Variants in LGR6 observed in about 807,000 individuals in gnomAD.
LGR6 encodes the protein leucine-rich repeat-containing G protein-coupled receptor 6.
A neutral mutation model predicts 69.4 loss-of-function variants in LGR6; 45 were observed. The observed-to-expected ratio is 0.65, with a 90% CI of 0.51 to 0.83. The LOEUF (loss-of-function observed/expected upper bound fraction) is 0.83, where lower values mean the gene tolerates loss of function less well. Ranked by LOEUF, LGR6 falls within the 40% of genes least tolerant of loss-of-function variation. The probability of loss-of-function intolerance (pLI) is 0.00; values close to 1 mark genes in which losing one functional copy is unlikely to be tolerated. For synonymous variants in LGR6, 538 were observed against 555.0 expected, an observed-to-expected ratio of 0.97 and a Z score of 0.43; for missense variants, 1,108 against 1,246.7, an observed-to-expected ratio of 0.89 and a Z score of 1.68.
At chr1:202,276,813 A>G (rs368893191) in intron 5 of LGR6, among the ~76,000 whole-genome samples, 21 of 152,352 alleles carry the variant, frequency 1.4e-4, no homozygotes, top group Admixed American at 8.5e-4. Context: ...CCATGCACAT[A>G]TAATAACTAT....
intron 1 of LGR6, chr1:202,203,933 C>A: frequency 1.6e-6 from 2 of 1,226,896 alleles, no homozygotes; most frequent in South Asian, 1.2e-5. Flanking sequence ...AGAGGGGGTG[C>A]GATTTTATTT....
chr1:202,235,394 T>C (rs1661455474), intron 3 of LGR6, among the ~76,000 whole-genome samples: 1 of 152,106 alleles, frequency 6.6e-6, no homozygotes, highest in Non-Finnish European at 1.5e-5. Flanking sequence ...GCAGATACAC[T>C]CCTCTGGAGT....
chr1:202,241,210 A>G (rs1399743113), intron 4 of LGR6, among the ~76,000 whole-genome samples: 1 of 152,196 alleles, frequency 6.6e-6, no homozygotes, highest in African/African-American at 2.4e-5. Context: ...TATGTAGAGG[A>G]TGCACCCCCT....
intron 17 of LGR6, among the ~76,000 whole-genome samples, chr1:202,316,282 A>G (rs1330770765): frequency 6.6e-6 from 1 of 152,182 alleles, no homozygotes; most frequent in Non-Finnish European, 1.5e-5. Context: ...TCAACTTGTG[A>G]TGGAAAGCAG....
intron 4 of LGR6, among the ~76,000 whole-genome samples, chr1:202,253,009 T>A (rs1663399870): frequency 2.0e-5 from 3 of 152,198 alleles, no homozygotes; most frequent in Admixed American, 2.0e-4. Flanking sequence ...GAGTCATGGC[T>A]CAGTCTGGGG....
intron 1 of LGR6, among the ~76,000 whole-genome samples, chr1:202,204,936 CT>C (rs1659062430): frequency 4.0e-5 from 1 of 24,748 alleles, no homozygotes. Flanking sequence ...CACACACCTC[CT>C]TCAAGCACAC....
In LGR6 at chr1:202,296,648, G is replaced by A. The variant is rs537033477; in HGVS notation, c.717-860G>A. On this transcript the variant is annotated intron_variant, in intron 6 of 17. Transcript: ENST00000367278. ...GCCCTGTCATCTCCACAAAAGGCAC[G>A]GACACAGAAGTTTCCTTAAAAGAGT... 3.9e-5 allele frequency among the ~76,000 whole-genome samples: 6 copies of A among 152,266 alleles called. No homozygotes were observed. The East Asian group carries it at 9.6e-4, about 24-fold the overall frequency.
At chr1:202,206,215 A>C (rs984701454) in intron 1 of LGR6, among the ~76,000 whole-genome samples, 2 of 152,268 alleles carry the variant, frequency 1.3e-5, no homozygotes, top group Non-Finnish European at 2.9e-5. Context: ...TGGACAGAGC[A>C]GATTAGGAGA....
chr1:202,314,175 CCT>C (rs1273625246), intron 16 of LGR6, among the ~76,000 whole-genome samples: 4 of 152,142 alleles, frequency 2.6e-5, no homozygotes, highest in African/African-American at 9.7e-5. Flanking sequence ...CTGGTTCTAC[CCT>C]CTGGGGCAAA....
At chr1:202,314,538 CAT>C (rs1488796650) in intron 16 of LGR6, among the ~76,000 whole-genome samples, 2 of 152,166 alleles carry the variant, frequency 1.3e-5, no homozygotes, top group Non-Finnish European at 2.9e-5. Flanking sequence ...CTGGAGAGGA[CAT>C]AGAGCCCTGA....
rs58749601 is a variant in LGR6, at chr1:202,262,935, C to CTTTTATTTTATTTTA, written c.429-13339_429-13325dup. Among the ~76,000 whole-genome samples, 437 of 146,946 alleles carry CTTTTATTTTATTTTA rather than the reference C, an allele frequency of 3.0e-3. 1 individual carries two copies. Among genetic ancestry groups the CTTTTATTTTATTTTA allele is most frequent in the African/African-American group, 0.011 (417 of 39,544 alleles). On this transcript the variant is annotated intron_variant, in intron 4 of 17. Coordinates refer to ENST00000367278, the MANE Select transcript of LGR6 (RefSeq NM_001017403.2). ...ACTTCAATTTGTCTTTGAAACTTGC[C>CTTTTATTTTATTTTA]TTTTATTTTATTTTATTTTATTTTA...
At chr1:202,313,833 C>T (rs1440860114) in intron 16 of LGR6, among the ~76,000 whole-genome samples, 1 of 152,138 alleles carries the variant, frequency 6.6e-6, no homozygotes, top group Non-Finnish European at 1.5e-5. Flanking sequence ...TTTGTCTTTT[C>T]TTTATGCTAG....
At chr1:202,260,087 C>T (rs951064720) in intron 4 of LGR6, among the ~76,000 whole-genome samples, 6 of 152,302 alleles carry the variant, frequency 3.9e-5, no homozygotes, top group East Asian at 1.9e-4. Flanking sequence ...CTCACTCTGT[C>T]GTCCCGGCTG....
intron 4 of LGR6, among the ~76,000 whole-genome samples, chr1:202,272,071 G>A (rs1377372438): frequency 1.3e-5 from 2 of 152,144 alleles, no homozygotes; most frequent in Non-Finnish European, 2.9e-5. Context: ...CATCACAGGA[G>A]CCCCCTGGGT....
At chr1:202,269,455 A>G (rs1664922346) in intron 4 of LGR6, among the ~76,000 whole-genome samples, 1 of 152,140 alleles carries the variant, frequency 6.6e-6, no homozygotes, top group Non-Finnish European at 1.5e-5. Flanking sequence ...TACTCTGCAA[A>G]ACCCTGATAG....
At chr1:202,299,557 A>G (rs1285709235) in intron 7 of LGR6, among the ~76,000 whole-genome samples, 1 of 152,222 alleles carries the variant, frequency 6.6e-6, no homozygotes, top group East Asian at 1.9e-4. Context: ...GCTTGAGGAC[A>G]GGGCCCCTGT....
intron 4 of LGR6, among the ~76,000 whole-genome samples, chr1:202,263,149 G>A (rs966888207): frequency 6.6e-6 from 1 of 151,872 alleles, no homozygotes. Context: ...CTGAGACAGG[G>A]TCTCACTCTG....
intron 9 of LGR6, among the ~76,000 whole-genome samples, chr1:202,301,663 G>A (rs1040904960): frequency 1.3e-5 from 2 of 152,136 alleles, no homozygotes; most frequent in African/African-American, 2.4e-5. Flanking sequence ...TGGCCTGAAG[G>A]TGCTCTCTAT....
intron 4 of LGR6, among the ~76,000 whole-genome samples, chr1:202,273,886 C>T (rs1436645130): frequency 6.6e-6 from 1 of 152,124 alleles, no homozygotes; most frequent in East Asian, 1.9e-4. Context: ...AAATCCTATC[C>T]TACCTTAAGA....
Sources: gnomAD v4.1 joint callset for allele counts (sites outside exome capture counted in the v4.1 genomes callset) on GRCh38, gnomAD v4.1.1 for gene constraint, MANE v1.5 for transcripts, NCBI Gene and HGNC (gene_info 2026-07-23, HGNC 2026-07-21) for gene names.